Variants in VPS13C observed in about 807,000 individuals in gnomAD.
VPS13C encodes the protein intermembrane lipid transfer protein VPS13C.
A neutral mutation model predicts 456.8 loss-of-function variants in VPS13C; 358 were observed. The observed-to-expected ratio is 0.78, with a 90% CI of 0.72 to 0.86. The LOEUF (loss-of-function observed/expected upper bound fraction) is 0.86, where lower values mean the gene tolerates loss of function less well. VPS13C is among the 40% of genes least tolerant of loss of function. The probability of loss-of-function intolerance (pLI) is 0.00; values close to 1 mark genes in which losing one functional copy is unlikely to be tolerated. For synonymous variants in VPS13C, 1,578 were observed against 1,486.7 expected (o/e 1.06, Z -1.41); for missense variants, 4,818 against 4,385.4 (o/e 1.10, Z -2.79).
Position 61,910,288 on chromosome 15 carries a change from TG to T in VPS13C, c.8732del (p.Pro2911GlnfsTer10). On this transcript the variant is annotated frameshift_variant, in exon 64 of 85. Coordinates refer to ENST00000644861, the MANE Select transcript of VPS13C (RefSeq NM_020821.3). LOFTEE classifies it high-confidence loss of function. ...CACAAAGTTTGCCTGACAAACTTTC[TG>T]GCCAAAATGGAAGGCACTAAAAATA... ...IASSECLPFWPESLSGKLCVR... is the reference protein window; with the variant it reads ...IASSECLPFWXESLSGKLCVR... 1.3e-6 allele frequency: 2 copies of T among 1,521,704 alleles called. No individual in the cohort carries two copies. Among genetic ancestry groups the T allele is most frequent in the Admixed American group, 1.9e-5 (1 of 53,152 alleles). The allele number at this position is 1,521,704 out of a possible 1,614,324, so 94.3% of individuals were successfully genotyped here. A position where few individuals can be genotyped will look rare whatever the true frequency, so the allele number is the denominator to read the frequency against.
chr15:62,034,402 T>C (rs979018618), intron 4 of VPS13C, among the ~76,000 whole-genome samples: 40 of 150,228 alleles, frequency 2.7e-4, no homozygotes, highest in African/African-American at 8.2e-4. Flanking sequence ...TCCAAACTTT[T>C]CTTAACATTA....
In VPS13C at chr15:62,033,476, C is replaced by T. The variant is rs756534061; in HGVS notation, c.350G>A (p.Arg117Gln). 4.4e-6 allele frequency: 7 copies of T among 1,606,104 alleles called. No individual in the cohort carries two copies. Among genetic ancestry groups the T allele is most frequent in the Admixed American group, 1.7e-5 (1 of 59,252 alleles). The change falls in exon 5 of 85, where the codon CGA (arginine) becomes CAA (glutamine). Residue 117 changes from arginine to glutamine, a missense_variant. Around this residue, in one of 3 missense-constraint regions of VPS13C, gnomAD observed 4,552 missense variants for 4,130.6 expected, o/e 1.10. Transcript: ENST00000644861. ...LQDVKQKELS[R>Q]IEEALQKAAE... ...TGCTTTTTGAAGGGCTTCTTCAATT[C>T]GGGATAGCTCTTTCTGTTTAACATC...
chr15:61,866,811 A>G, intron 81 of VPS13C: 1 of 978,222 alleles, frequency 1.0e-6, no homozygotes, highest in Non-Finnish European at 1.2e-6. Context: ...TATTATTTTG[A>G]TAACTGCAAT....
At chr15:61,900,520 G>A (rs1383307892) in intron 66 of VPS13C, among the ~76,000 whole-genome samples, 1 of 152,076 alleles carries the variant, frequency 6.6e-6, no homozygotes, top group Non-Finnish European at 1.5e-5. Flanking sequence ...CTGATTCAAA[G>A]AGAATAAAAT....
At chr15:61,908,600 C>T (rs1159846276) in intron 65 of VPS13C, among the ~76,000 whole-genome samples, 2 of 152,076 alleles carry the variant, frequency 1.3e-5, no homozygotes, top group African/African-American at 2.4e-5. Context: ...GTTCACTGAG[C>T]GTTACCAGAT....
chr15:62,054,410 T>C (rs1391199182), intron 1 of VPS13C, among the ~76,000 whole-genome samples: 1 of 151,854 alleles, frequency 6.6e-6, no homozygotes, highest in Non-Finnish European at 1.5e-5. Context: ...AAATAAGAAA[T>C]GTTTAGATAT....
intron 83 of VPS13C, among the ~76,000 whole-genome samples, chr15:61,855,851 A>G (rs978776501): frequency 1.4e-4 from 22 of 152,138 alleles, no homozygotes; most frequent in Admixed American, 1.3e-3. Context: ...ACAAATTACT[A>G]TGTAATTAAA....
intron 60 of VPS13C, among the ~76,000 whole-genome samples, chr15:61,916,569 C>A (rs1248234937): frequency 6.6e-6 from 1 of 151,948 alleles, no homozygotes; most frequent in Non-Finnish European, 1.5e-5. Flanking sequence ...CTATTTAATT[C>A]TTATAAAATA....
Position 62,007,740 on chromosome 15 carries a change from T to C in VPS13C, c.1119-261A>G, listed in dbSNP as rs1338695729. Among the ~76,000 whole-genome samples the C allele has an allele frequency of 2.6e-5, 4 of 152,222 alleles. No homozygotes were observed. In the East Asian group the frequency reaches 7.7e-4, roughly 29 times the overall value. On this transcript the variant is annotated intron_variant, in intron 14 of 84. Transcript: ENST00000644861. ...GGGAAATAGCATTCCAGTATGGTTATAACACTGAGTCTATGTGGATGACTG... is the reference window on the plus strand; with the variant it reads ...GGGAAATAGCATTCCAGTATGGTTACAACACTGAGTCTATGTGGATGACTG...
In VPS13C at chr15:61,867,725, C is replaced by T. The variant is rs2140863964; in HGVS notation, c.10863+934G>A. ...ATCCTTTAATATTTTATACTAATCTCTTATTTCTGGACAGTATTACCAGGA... is the reference window on the plus strand; with the variant it reads ...ATCCTTTAATATTTTATACTAATCTTTTATTTCTGGACAGTATTACCAGGA... On this transcript the variant is annotated intron_variant, in intron 81 of 84. Coordinates refer to ENST00000644861, the MANE Select transcript of VPS13C (RefSeq NM_020821.3). This position sits in a 1 kb window ranked among gnomAD's most constrained non-coding sequence, Gnocchi z 5.0. 3 of 1,409,326 alleles carry T rather than the reference C, an allele frequency of 2.1e-6. No homozygotes were observed. In the South Asian group the frequency reaches 4.9e-5, roughly 23 times the overall value. The allele number at this position is 1,409,326 out of a possible 1,614,324, so 87.3% of individuals were successfully genotyped here.
chr15:61,856,687 CTTTTTTTTT>C (rs542779595), intron 82 of VPS13C: 19 of 114,806 alleles, frequency 1.7e-4, no homozygotes, highest in South Asian at 4.1e-4. Flanking sequence ...TTTTTCTTTT[CTTTTTTTTT>C]TTTTTTTTTT....
intron 1 of VPS13C, among the ~76,000 whole-genome samples, chr15:62,048,824 T>C (rs1390340091): frequency 2.0e-5 from 3 of 152,210 alleles, no homozygotes; most frequent in African/African-American, 7.2e-5. Flanking sequence ...TATCTCGTTG[T>C]GGTTTTGATT....
intron 82 of VPS13C, among the ~76,000 whole-genome samples, chr15:61,861,950 A>C (rs1894248950): frequency 1.3e-5 from 2 of 152,248 alleles, no homozygotes; most frequent in Non-Finnish European, 2.9e-5. Context: ...AAATACAAAA[A>C]TTAGCTGGGC....
chr15:61,984,919 T>C lies in VPS13C; in HGVS notation c.1659A>G (p.Leu553=). Residue 553 remains leucine (L), a synonymous_variant, in exon 19 of 85, where the codon CTA becomes CTG. Transcript: ENST00000644861. ...TGCCCAGGCCAATTATCTGAATTTTTAGTATTTCTGGAATATTCTTGTTTT... is the reference window on the plus strand; with the variant it reads ...TGCCCAGGCCAATTATCTGAATTTTCAGTATTTCTGGAATATTCTTGTTTT... ...IRENKNIPEI[L]KIQIIGLGTQ... 1 of 1,612,774 alleles carries C rather than the reference T, an allele frequency of 6.2e-7. No individual in the cohort carries two copies. Among genetic ancestry groups the C allele is most frequent in the Non-Finnish European group, 8.5e-7 (1 of 1,179,574 alleles).
chr15:61,929,443 T>C, intron 51 of VPS13C, 58 bp downstream of exon 51: 2 of 1,544,678 alleles, frequency 1.3e-6, no homozygotes, highest in Non-Finnish European at 1.7e-6. Flanking sequence ...TTTTTTCTGG[T>C]TTGTAATTCT....
intron 82 of VPS13C, 191 bp from the exon 83 acceptor site, chr15:61,856,600 AC>A: frequency 2.2e-6 from 1 of 457,684 alleles, no homozygotes; most frequent in Non-Finnish European, 3.7e-6. Context: ...TATGACACCT[AC>A]CAAGCAACAA....
chr15:62,007,683 A>C lies in VPS13C; in HGVS notation c.1119-204T>G, dbSNP rs550147769. Among the ~76,000 whole-genome samples the C allele has an allele frequency of 5.3e-5, 8 of 152,356 alleles. No individual in the cohort carries two copies. In the South Asian group the frequency reaches 1.7e-3, roughly 32 times the overall value. Reference sequence around the variant, plus strand: ...AACCCTTAAGGAACAGACTTTGCCAAAGCAAAATCCAAAAGGCACAAAACG... The same window carrying C: ...AACCCTTAAGGAACAGACTTTGCCACAGCAAAATCCAAAAGGCACAAAACG... On this transcript the variant is annotated intron_variant, in intron 14 of 84. Coordinates refer to ENST00000644861, the MANE Select transcript of VPS13C (RefSeq NM_020821.3).
In VPS13C at chr15:61,929,759, A is replaced by C. The variant is rs1370996235; in HGVS notation, c.6039-11T>G. 3 of 1,602,538 alleles carry C rather than the reference A, an allele frequency of 1.9e-6. No homozygotes were observed. The African/African-American group carries it at 4.0e-5, about 21-fold the overall frequency. On this transcript the variant is annotated splice_polypyrimidine_tract_variant and intron_variant, in intron 50 of 84. Transcript: ENST00000644861. Reference sequence around the variant, plus strand: ...TTTCTGTCAATCATTCTGAAAAAAAACATGCTATTCATTATTTTATTCTTG... The same window carrying C: ...TTTCTGTCAATCATTCTGAAAAAAACCATGCTATTCATTATTTTATTCTTG...
chr15:61,922,900 T>G, intron 53 of VPS13C, 138 bp from the exon 54 acceptor site: 1 of 733,636 alleles, frequency 1.4e-6, no homozygotes, highest in Non-Finnish European at 1.9e-6. Flanking sequence ...TTAAAGTAAC[T>G]AATTTAAATT....
Sources: allele counts gnomAD v4.1 joint callset (sites outside exome capture counted in the v4.1 genomes callset), GRCh38; gene constraint gnomAD v4.1.1; regional missense constraint gnomAD v4.1.1; non-coding constraint Gnocchi (gnomAD v3.1); transcripts MANE v1.5; gene names NCBI Gene and HGNC (gene_info 2026-07-23, HGNC 2026-07-21).